Variants in MTMR2 observed in about 807,000 individuals in gnomAD.
The protein encoded by MTMR2 is phosphatidylinositol-3,5-bisphosphate 3-phosphatase MTMR2.
In MTMR2, 55 loss-of-function variants were observed where a neutral mutation model predicts 86.9. The ratio of observed to expected loss-of-function variants is 0.63; its 90% confidence interval spans 0.51 to 0.79. The LOEUF (loss-of-function observed/expected upper bound fraction) is 0.79, where lower values mean the gene tolerates loss of function less well. MTMR2 is among the 30% of genes least tolerant of loss of function. The probability of loss-of-function intolerance (pLI) is 0.00; values close to 1 mark genes in which losing one functional copy is unlikely to be tolerated. For missense variants in MTMR2, 659 were observed against 772.3 expected (o/e 0.85, Z 1.74); for synonymous variants, 241 against 266.8 (o/e 0.90, Z 0.94).
At chr11:95,923,798 G>C (rs569957450) in intron 1 of MTMR2, 77 bp downstream of exon 1, 35 of 1,520,158 alleles carry the variant, frequency 2.3e-5, no homozygotes, top group African/African-American at 2.2e-4. Flanking sequence ...CCGCGAATTG[G>C]GGCAACAATC....
At chr11:95,889,600 T>C (rs1865641522) in intron 1 of MTMR2, among the ~76,000 whole-genome samples, 1 of 151,840 alleles carries the variant, frequency 6.6e-6, no homozygotes, top group South Asian at 2.1e-4. Context: ...CAAACGATCC[T>C]CTCACTCAGC....
chr11:95,858,825 C>G (rs1864303384), intron 5 of MTMR2, among the ~76,000 whole-genome samples, 193 bp from the exon 6 acceptor site: 1 of 152,070 alleles, frequency 6.6e-6, no homozygotes, highest in Non-Finnish European at 1.5e-5. Flanking sequence ...ACACAAGGTA[C>G]TCTACTATGA....
chr11:95,893,531 C>A (rs563482145), intron 1 of MTMR2, among the ~76,000 whole-genome samples: 2 of 152,246 alleles, frequency 1.3e-5, no homozygotes, highest in South Asian at 4.2e-4. Context: ...ATATCCGTAT[C>A]CATTAGCCAC....
intron 1 of MTMR2, among the ~76,000 whole-genome samples, chr11:95,912,730 A>G (rs1866556875): frequency 6.6e-6 from 1 of 151,940 alleles, no homozygotes; most frequent in Non-Finnish European, 1.5e-5. Flanking sequence ...TATAAAATAT[A>G]GTATTATAAA....
Position 95,835,115 on chromosome 11 carries a change from C to T in MTMR2, c.*175G>A. On this transcript the variant is annotated 3_prime_UTR_variant, in exon 15 of 15. Coordinates refer to ENST00000346299, the MANE Select transcript of MTMR2 (RefSeq NM_016156.6). Reference sequence around the variant, plus strand: ...CATGTAATTACATATGGAGTTACTTCACTTAAGCCACCTGCACTGCTACAG... The same window carrying T: ...CATGTAATTACATATGGAGTTACTTTACTTAAGCCACCTGCACTGCTACAG... 1 of 647,638 alleles carries T rather than the reference C, an allele frequency of 1.5e-6. No individual in the cohort carries two copies. The highest frequency in any genetic ancestry group is 3.9e-4 in the Middle Eastern group (1 of 2,566). 40.1% of individuals were successfully genotyped at this position (647,638 alleles called of 1,614,324 possible).
At chr11:95,865,857 G>A (rs1012883845) in intron 2 of MTMR2, among the ~76,000 whole-genome samples, 181 bp from the exon 3 acceptor site, 4 of 152,086 alleles carry the variant, frequency 2.6e-5, no homozygotes, top group Admixed American at 6.6e-5. Context: ...TGTTTTTCTA[G>A]AAAGCATTTA....
intron 7 of MTMR2, among the ~76,000 whole-genome samples, chr11:95,852,745 A>T (rs2135449054): frequency 6.6e-6 from 1 of 152,330 alleles, no homozygotes; most frequent in East Asian, 1.9e-4. Flanking sequence ...TTAACAAAAT[A>T]TTCACGTGCT....
In MTMR2 at chr11:95,847,807, T is replaced by C. The variant is rs199785032; in HGVS notation, c.1086A>G (p.Ser362=). 6.2e-7 allele frequency: 1 copy of C among 1,613,818 alleles called. No individual in the cohort carries two copies. The highest frequency in any genetic ancestry group is 8.5e-7 in the Non-Finnish European group (1 of 1,179,740). Residue 362 remains serine (S), a synonymous_variant, in exon 10 of 15, where the codon TCA becomes TCG. Transcript: ENST00000346299. The stretch of plus-strand genomic sequence containing the variant: ...ACACAATCTCCTTAAGTTTTCGTAA[T>C]GATTCTCTCATAACATGAATATTGT... The part of the protein sequence containing the change: ...DIHNIHVMRE[S]LRKLKEIVYP...
At chr11:95,841,507 T>TA in intron 12 of MTMR2, 110 bp downstream of exon 12, 3 of 822,484 alleles carry the variant, frequency 3.6e-6, no homozygotes. Context: ...ATGGAGATGT[T>TA]ACAAGAATTT....
chr11:95,877,332 C>CTTTT (rs764782930), intron 2 of MTMR2, among the ~76,000 whole-genome samples: 83 of 106,196 alleles, frequency 7.8e-4, no homozygotes, highest in Non-Finnish European at 1.2e-3. Flanking sequence ...CAGGGAAGCC[C>CTTTT]TTTTTTTTTT....
chr11:95,899,636 TA>T (rs10654504), intron 1 of MTMR2, among the ~76,000 whole-genome samples: 6 of 147,500 alleles, frequency 4.1e-5, no homozygotes, highest in South Asian at 2.2e-4. Context: ...TAAGAATGGT[TA>T]AAAAAAAAAA....
At chr11:95,839,505 T>G (rs765022267) in intron 12 of MTMR2, among the ~76,000 whole-genome samples, 1 of 152,258 alleles carries the variant, frequency 6.6e-6, no homozygotes, top group Middle Eastern at 3.4e-3. Context: ...GTGTAATCAG[T>G]AGGCATTTCC....
At chr11:95,883,367 C>A (rs1865405176) in intron 2 of MTMR2, among the ~76,000 whole-genome samples, 2 of 152,136 alleles carry the variant, frequency 1.3e-5, no homozygotes, top group African/African-American at 4.8e-5. Context: ...TTAGTAAAAA[C>A]AAGCCTAATT....
intron 10 of MTMR2, among the ~76,000 whole-genome samples, chr11:95,846,358 C>T (rs2135430084): frequency 6.6e-6 from 1 of 152,292 alleles, no homozygotes; most frequent in South Asian, 2.1e-4. Context: ...AAAGTTCCTG[C>T]TTACTGAAGT....
chr11:95,919,486 C>G (rs372040235), intron 1 of MTMR2, among the ~76,000 whole-genome samples: 4 of 151,638 alleles, frequency 2.6e-5, no homozygotes, highest in African/African-American at 9.7e-5. Flanking sequence ...AGTATGGTAC[C>G]CAGAATAACT....
In MTMR2 at chr11:95,884,778, C is replaced by A. The variant is rs890118242; in HGVS notation, c.186+3378G>T. Among the ~76,000 whole-genome samples, 5 of 152,096 alleles carry A rather than the reference C, an allele frequency of 3.3e-5. No homozygotes were observed. In the East Asian group the frequency reaches 9.6e-4, roughly 29 times the overall value. Reference sequence around the variant, plus strand: ...GATACTAACACTTAATTTAGTGTTACTCACTCATCTCCCTCCAGCAACTGA... The same window carrying A: ...GATACTAACACTTAATTTAGTGTTAATCACTCATCTCCCTCCAGCAACTGA... On this transcript the variant is annotated intron_variant, in intron 2 of 14. Coordinates refer to ENST00000346299, the MANE Select transcript of MTMR2 (RefSeq NM_016156.6).
At chr11:95,890,549 A>G (rs1865681201) in intron 1 of MTMR2, among the ~76,000 whole-genome samples, 1 of 152,266 alleles carries the variant, frequency 6.6e-6, no homozygotes, top group South Asian at 2.1e-4. Flanking sequence ...AGGGGAGCAG[A>G]AACAGCAGGG....
rs925201802 is a variant in MTMR2 at position 95,882,593 on chromosome 11, C to T, written c.186+5563G>A. 11 of 152,188 alleles carry T rather than the reference C, an allele frequency of 7.2e-5. No individual in the cohort carries two copies. The East Asian group carries it at 7.7e-4, about 11-fold the overall frequency. 9.4% of individuals were successfully genotyped at this position (152,188 alleles called of 1,614,324 possible). On this transcript the variant is annotated intron_variant, in intron 2 of 14. Transcript: ENST00000346299. The stretch of plus-strand genomic sequence containing the variant: ...ATAACACAGATTTTGAAGACAGACA[C>T]GTTTGCCTGATTTAAGCCTATTACA...
rs975169279 is a variant in MTMR2 at position 95,862,261 on chromosome 11, C to G, written c.357+11G>C. The G allele has an allele frequency of 1.9e-6, 3 of 1,589,588 alleles. No individual in the cohort carries two copies. The highest frequency in any genetic ancestry group is 2.7e-5 in the African/African-American group (2 of 74,764). ...ACTCATGTACATACAAAAATCTAAT[C>G]TGACTCTTACCCGTTCCATGCTTTT... On this transcript the variant is annotated intron_variant, in intron 4 of 14. Transcript: ENST00000346299.
Sources: allele counts gnomAD v4.1 joint callset (sites outside exome capture counted in the v4.1 genomes callset), GRCh38; gene constraint gnomAD v4.1.1; transcripts MANE v1.5; gene names NCBI Gene and HGNC (gene_info 2026-07-23, HGNC 2026-07-21).